Variants in IPO4 observed in about 807,000 individuals in gnomAD.
The protein encoded by IPO4 is importin 4.
Under a neutral mutation model 133.5 loss-of-function variants are expected in IPO4, and 91 were observed. The ratio of observed to expected loss-of-function variants is 0.68; its 90% CI spans 0.58 to 0.81. IPO4 has a LOEUF of 0.81. IPO4 is among the 30% of genes least tolerant of loss of function. The pLI is 0.00. For synonymous variants in IPO4, 607 were observed against 581.6 expected, an observed-to-expected ratio of 1.04 and a Z score of -0.63; for missense variants, 1,279 against 1,386.2, an observed-to-expected ratio of 0.92 and a Z score of 1.23.
chr14:24,185,817 C>T (rs757873057), intron 12 of IPO4, 44 bp downstream of exon 12: 2 of 1,439,106 alleles, frequency 1.4e-6, no homozygotes, highest in African/African-American at 2.8e-5. Flanking sequence ...CAGCCATGGT[C>T]CTCCCTGTGG....
Position 24,187,762 on chromosome 14 carries a change from C to T in IPO4, c.313G>A (p.Ala105Thr). 1.2e-6 allele frequency: 2 copies of T among 1,614,190 alleles called. No homozygotes were observed. Among genetic ancestry groups the T allele is most frequent in the Non-Finnish European group, 1.7e-6 (2 of 1,180,046 alleles). The change falls in exon 5 of 30, where the codon GCC becomes ACC. Residue 105 changes from alanine (A) to threonine (T), a missense_variant. This residue lies in a region of IPO4 where 695 missense variants were observed against 704.1 expected (regional missense o/e 0.99). Transcript: ENST00000354464. ...AAGCCTTCCTTTCGAAAAATGGTGG[C>T]TGAGAGCTGGGCCAGGCTGAGGCTC... ...CVSLSLAQLS[A>T]TIFRKEGLEA...
intron 6 of IPO4, 60 bp from the exon 7 acceptor site, chr14:24,187,210 G>T: frequency 6.3e-7 from 1 of 1,577,580 alleles, no homozygotes; most frequent in South Asian, 1.1e-5. Context: ...GCAGCTGGCA[G>T]CTTCCTCACA....
chr14:24,185,546 C>A lies in IPO4; in HGVS notation c.1191G>T (p.Gln397His), dbSNP rs367677423. Residue 397 changes from glutamine (Q) to histidine (H), a missense_variant, in exon 13 of 30, where the codon CAG becomes CAT. By Grantham distance (24) the Gln-to-His change is conservative. This residue lies in a region of IPO4 where 695 missense variants were observed against 704.1 expected (regional missense o/e 0.99). Transcript: ENST00000354464. ...IRQRLLPPLL[Q>H]IVCKGLEDPS... ...GGTCCTCCAGGCCCTTGCACACAAT[C>A]TGCAGCAGTGGGGGCAGCAGTCTGG... 1.7e-4 allele frequency: 268 copies of A among 1,614,144 alleles called. No individual in the cohort carries two copies. The highest frequency in any genetic ancestry group is 2.1e-4 in the Non-Finnish European group (252 of 1,180,012).
Position 24,183,879 on chromosome 14 carries a change from C to G in IPO4, c.1889G>C (p.Ser630Thr). 6.2e-7 allele frequency: 1 copy of G among 1,614,074 alleles called. No homozygotes were observed. Among genetic ancestry groups the G allele is most frequent in the Non-Finnish European group, 8.5e-7 (1 of 1,180,026 alleles). Residue 630 changes from serine to threonine, a missense_variant, in exon 19 of 30, where the codon AGC (serine) becomes ACC (threonine). Ser to Thr is a moderately conservative substitution (Grantham distance 58). Around this residue, in one of 3 missense-constraint regions of IPO4, gnomAD observed 575 missense variants for 653.4 expected, o/e 0.88. Coordinates refer to ENST00000354464, the MANE Select transcript of IPO4 (RefSeq NM_024658.4). The stretch of plus-strand genomic sequence containing the variant: ...CTCATCGTCAAACAGAAGGAAGGAG[C>G]TGCTCCCGTCATACTGAGGCTGGAG... Reference protein sequence around the residue: ...EGIVPQYDGSSSFLLFDDESD... With the variant: ...EGIVPQYDGSTSFLLFDDESD...
Position 24,183,815 on chromosome 14 carries a change from A to T in IPO4, c.1953T>A (p.Asp651Glu). The change falls in exon 19 of 30, where the codon GAT (aspartate) becomes GAA (glutamate). Residue 651 changes from aspartate (D) to glutamate (E), a missense_variant. Transcript: ENST00000354464. ...TCTCTGAGTCATCCTCTTCTTCCAC[A>T]TCCTCATCCATGAGCTCCTCCTCTT... ...GEEEEELMDE[D>E]VEEEDDSEIS... 6.2e-7 allele frequency: 1 copy of T among 1,614,082 alleles called. No homozygotes were observed. The highest frequency in any genetic ancestry group is 8.5e-7 in the Non-Finnish European group (1 of 1,179,996).
At position 24,183,851 on chromosome 14, in the gene IPO4, ACT is replaced by A; in HGVS notation, c.1915_1916del (p.Ser639Ter). On this transcript the variant is annotated frameshift_variant, in exon 19 of 30. Coordinates refer to ENST00000354464, the MANE Select transcript of IPO4 (RefSeq NM_024658.4). LOFTEE classifies it high-confidence loss of function. The part of the protein sequence containing the change: ...SSSFLLFDDE[S>X]DGEEEEELMD... ...TGAGCTCCTCCTCTTCTTCCCCATC[ACT>A]CTCATCGTCAAACAGAAGGAAGGAG... 4 of 1,613,032 alleles carry A rather than the reference ACT, an allele frequency of 2.5e-6. No individual in the cohort carries two copies. The highest frequency in any genetic ancestry group is 3.4e-6 in the Non-Finnish European group (4 of 1,179,738).
chr14:24,182,251 G>A (rs2138808922), intron 25 of IPO4, 27 bp downstream of exon 25: 1 of 1,614,120 alleles, frequency 6.2e-7, no homozygotes, highest in Non-Finnish European at 8.5e-7. Flanking sequence ...GGGGACTAGG[G>A]CTTGAAGCCA....
In IPO4 at chr14:24,188,584, A is replaced by G; in HGVS notation, c.124T>C (p.Cys42Arg). ...LRAPAALPAL[C>R]DLLASAADPQ... ...TCGGCCGCCGAGGCTAGCAGGTCGC[A>G]GAGAGCCGGCAAAGCGGCGGGGGCC... is the stretch of plus-strand genomic sequence containing the variant. The change falls in exon 2 of 30, where the codon TGC becomes CGC. Residue 42 changes from cysteine (C) to arginine (R), a missense_variant. This residue lies in a region of IPO4 where 695 missense variants were observed against 704.1 expected (regional missense o/e 0.99). Coordinates refer to ENST00000354464, the MANE Select transcript of IPO4 (RefSeq NM_024658.4). 3 of 1,613,274 alleles carry G rather than the reference A, an allele frequency of 1.9e-6. No individual in the cohort carries two copies. Among genetic ancestry groups the G allele is most frequent in the Non-Finnish European group, 2.5e-6 (3 of 1,179,780 alleles).
rs772916265 is a variant in IPO4, at chr14:24,185,934, G to C, written c.1096C>G (p.Pro366Ala). 1.2e-6 allele frequency: 2 copies of C among 1,614,088 alleles called. No homozygotes were observed. Among genetic ancestry groups the C allele is most frequent in the South Asian group, 2.2e-5 (2 of 91,086 alleles). The change falls in exon 12 of 30, where the codon CCA becomes GCA. Residue 366 changes from proline to alanine, a missense_variant. Around this residue, in one of 3 missense-constraint regions of IPO4, gnomAD observed 695 missense variants for 704.1 expected, o/e 0.99. Coordinates refer to ENST00000354464, the MANE Select transcript of IPO4 (RefSeq NM_024658.4). ...AGGAGTCCAGCTTTGCGCTGGTATG[G>C]GCTCTCGCTCCGCAAAGCCTCTTCC... ...MLEEALRSES[P>A]YQRKAGLLVL...
In IPO4 at chr14:24,187,574, C is replaced by T. The variant is rs570196578; in HGVS notation, c.414G>A (p.Gly138=). The change falls in exon 6 of 30, where the codon GGG becomes GGA. Residue 138 remains glycine (G), a synonymous_variant. Coordinates refer to ENST00000354464, the MANE Select transcript of IPO4 (RefSeq NM_024658.4). ...TCACCACCACACTTAGCAGCAAAAG[C>T]CCCATCTGTCCAAGAATAGAGGATG... ...HSPHSPEREM[G]LLLLSVVVTS... 3.0e-5 allele frequency: 49 copies of T among 1,614,132 alleles called. No individual in the cohort carries two copies. The East Asian group carries it at 1.1e-3, about 35-fold the overall frequency.
intron 29 of IPO4, 56 bp from the exon 30 acceptor site, chr14:24,180,628 CT>C: frequency 1.9e-6 from 3 of 1,612,422 alleles, no homozygotes; most frequent in Non-Finnish European, 2.5e-6. Context: ...CTGCCCCAGG[CT>C]CTCTGAGCCC....
rs770785739 is a variant in IPO4 at position 24,186,758 on chromosome 14, G to A, written c.790C>T (p.Arg264Cys). ...ARNVALGNAI[R>C]IRILCCLTFL... ...GTGAGGCAGCAGAGAATACGTATGC[G>A]TATCGCATTGCCCAGGGCCACATTT... Residue 264 changes from arginine (R) to cysteine (C), a missense_variant, in exon 9 of 30, where the codon CGC (arginine) becomes TGC (cysteine). Coordinates refer to ENST00000354464, the MANE Select transcript of IPO4 (RefSeq NM_024658.4). The A allele has an allele frequency of 5.0e-6, 8 of 1,614,024 alleles. No individual in the cohort carries two copies. Among genetic ancestry groups the A allele is most frequent in the African/African-American group, 2.7e-5 (2 of 74,918 alleles).
Position 24,183,634 on chromosome 14 carries a change from C to T in IPO4, c.2019G>A (p.Lys673=). 1 of 1,614,126 alleles carries T rather than the reference C, an allele frequency of 6.2e-7. No homozygotes were observed. The highest frequency in any genetic ancestry group is 8.5e-7 in the Non-Finnish European group (1 of 1,180,020). ...CCCCCACGGCAGCACAGGTGTCTTC[C>T]TTCTCATCGAAGAAGGCATTCTCCA... ...YSVENAFFDE[K]EDTCAAVGEI... is the part of the protein sequence containing the mutation. The change falls in exon 20 of 30, where the codon AAG becomes AAA. Residue 673 remains lysine (K), a synonymous_variant. Transcript: ENST00000354464.
chr14:24,186,599 T>C, intron 9 of IPO4, 109 bp downstream of exon 9: 1 of 1,356,824 alleles, frequency 7.4e-7, no homozygotes. Flanking sequence ...GGCCAAGGCT[T>C]GAACCCCCAC....
chr14:24,188,236 C>CGTCAG lies in IPO4; in HGVS notation c.253_257dup (p.Ala87Ter). ...CTTACTCTGTTTCTCTCTGCAGGGCCGTCAGGATCAGGGACTTGAGGCTGG... is the reference window on the plus strand; with the variant it reads ...CTTACTCTGTTTCTCTCTGCAGGGCCGTCAGGTCAGGATCAGGGACTTGAGGCTGG... On this transcript the variant is annotated stop_gained and frameshift_variant, in exon 4 of 30. Transcript: ENST00000354464. LOFTEE classifies it high-confidence loss of function. The CGTCAG allele has an allele frequency of 6.2e-7, 1 of 1,613,564 alleles. No individual in the cohort carries two copies. Among genetic ancestry groups the CGTCAG allele is most frequent in the Middle Eastern group, 1.6e-4 (1 of 6,062 alleles).
rs535534622 is a variant in IPO4, at chr14:24,181,831, C to T, written c.2820G>A (p.Lys940=). The T allele has an allele frequency of 8.1e-6, 13 of 1,596,390 alleles. No homozygotes were observed. The highest frequency in any genetic ancestry group is 4.0e-5 in the African/African-American group (3 of 74,634). The change falls in exon 27 of 30, where the codon AAG becomes AAA. Residue 940 remains lysine (K), a synonymous_variant. Coordinates refer to ENST00000354464, the MANE Select transcript of IPO4 (RefSeq NM_024658.4). ...GGHPAQEHFP[K]LLGLLFPLLA... is the part of the protein sequence containing the mutation. ...GGAGGGGAAAAAGGAGCCCCAGCAGCTTGGGGAAGTGTCTGGTCCACAGTC... is the reference window on the plus strand; with the variant it reads ...GGAGGGGAAAAAGGAGCCCCAGCAGTTTGGGGAAGTGTCTGGTCCACAGTC...
At position 24,180,580 on chromosome 14, in the gene IPO4, G is replaced by T; in HGVS notation, c.3116-8C>A. On this transcript the variant is annotated splice_region_variant and splice_polypyrimidine_tract_variant and intron_variant, in intron 29 of 29. Coordinates refer to ENST00000354464, the MANE Select transcript of IPO4 (RefSeq NM_024658.4). Reference sequence around the variant, plus strand: ...ACAGTGCGGCCTTGGTGTCTGGGTGGAGAGGGAGGGAGAAAGGTCGGGGCT... The same window carrying T: ...ACAGTGCGGCCTTGGTGTCTGGGTGTAGAGGGAGGGAGAAAGGTCGGGGCT... The T allele has an allele frequency of 1.2e-6, 2 of 1,613,306 alleles. No individual in the cohort carries two copies. The highest frequency in any genetic ancestry group is 1.7e-6 in the Non-Finnish European group (2 of 1,179,296).
At position 24,185,273 on chromosome 14, in the gene IPO4, G is replaced by A. The variant is rs961594239; in HGVS notation, c.1318C>T (p.Leu440Phe). The A allele has an allele frequency of 1.2e-6, 2 of 1,614,198 alleles. No homozygotes were observed. Among genetic ancestry groups the A allele is most frequent in the Admixed American group, 1.7e-5 (1 of 60,020 alleles). ...GGCACCGACTTCAAGTAGGCGAGGA[G>A]CAGTGGCATTACCTCCCTTGAATAG... ...SSYSREVMPL[L>F]LAYLKSVPLG... is the part of the protein sequence containing the mutation. Residue 440 changes from leucine to phenylalanine, a missense_variant, in exon 14 of 30, where the codon CTC (leucine) becomes TTC (phenylalanine). Coordinates refer to ENST00000354464, the MANE Select transcript of IPO4 (RefSeq NM_024658.4).
rs1490623504 is a variant in IPO4, at chr14:24,185,904, G to A, written c.1126C>T (p.Leu376=). 5 of 1,614,026 alleles carry A rather than the reference G, an allele frequency of 3.1e-6. No individual in the cohort carries two copies. Among genetic ancestry groups the A allele is most frequent in the Admixed American group, 3.3e-5 (2 of 60,026 alleles). Residue 376 remains leucine (L), a synonymous_variant, in exon 12 of 30, where the codon CTG becomes TTG. Coordinates refer to ENST00000354464, the MANE Select transcript of IPO4 (RefSeq NM_024658.4). ...PYQRKAGLLV[L]AVLSDGAGDH... is the part of the protein sequence containing the mutation. ...CCAGCTCCGTCAGACAGCACGGCCA[G>A]CACCAGGAGTCCAGCTTTGCGCTGG... is the stretch of plus-strand genomic sequence containing the variant.
Sources: gnomAD v4.1 joint callset for allele counts on GRCh38, gnomAD v4.1.1 for gene constraint, gnomAD v4.1.1 regional missense constraint, MANE v1.5 for transcripts, NCBI Gene and HGNC (gene_info 2026-07-23, HGNC 2026-07-21) for gene names.